The following DNAH6 variants were observed in gnomAD, a reference collection of about 807,000 sequenced individuals.
DNAH6 encodes the protein axonemal beta dynein heavy chain 6.
A neutral mutation model predicts 491.4 loss-of-function variants in DNAH6; 340 were observed. The ratio of observed to expected loss-of-function variants is 0.69; its 90% CI spans 0.63 to 0.76. The LOEUF is 0.76. Among genes scored for constraint, DNAH6 ranks in the 30% least tolerant of loss-of-function variants. DNAH6 has a pLI of 0.00. For missense variants in DNAH6, 4,443 were observed against 4,972.2 expected (o/e 0.89, Z 3.20); for synonymous variants, 1,603 against 1,686.1 (o/e 0.95, Z 1.21).
intron 62 of DNAH6, among the ~76,000 whole-genome samples, chr2:84,742,249 C>T (rs1672590061): frequency 1.3e-5 from 2 of 152,186 alleles, no homozygotes; most frequent in African/African-American, 4.8e-5. Context: ...TATTTCTGCA[C>T]TCTTTACTTT....
intron 8 of DNAH6, 79 bp downstream of exon 8, chr2:84,548,496 G>A (rs890727930): frequency 2.3e-4 from 350 of 1,530,498 alleles, no homozygotes; most frequent in Non-Finnish European, 3.0e-4. Flanking sequence ...AGAAAGTGAT[G>A]ACTATGTTAA....
At chr2:84,530,329 G>A (rs1677043286) in intron 4 of DNAH6, among the ~76,000 whole-genome samples, 1 of 152,138 alleles carries the variant, frequency 6.6e-6, no homozygotes, top group South Asian at 2.1e-4. Flanking sequence ...TCATTGAGAA[G>A]CTGTCATTTG....
At chr2:84,498,152 G>T in the DNAH6 span, among the ~76,000 whole-genome samples, 1 of 152,152 alleles carries the variant, frequency 6.6e-6, no homozygotes, top group Non-Finnish European at 1.5e-5. Context: ...CTTCCCAAAG[G>T]TCTTGCAGAG....
intron 63 of DNAH6, among the ~76,000 whole-genome samples, chr2:84,754,564 G>A (rs1483886859): frequency 6.6e-6 from 1 of 152,180 alleles, no homozygotes; most frequent in East Asian, 1.9e-4. Context: ...GAATGATTCT[G>A]GCAGCCTTGC....
intron 29 of DNAH6, among the ~76,000 whole-genome samples, chr2:84,633,714 C>T (rs1274255543): frequency 6.6e-6 from 1 of 151,034 alleles, no homozygotes; most frequent in East Asian, 1.9e-4. Context: ...TTTTCAAAAC[C>T]TTCTTCCTGC....
chr2:84,481,630 T>C, the DNAH6 span, among the ~76,000 whole-genome samples: 1,683 of 152,302 alleles, frequency 0.011, 29 homozygotes, highest in African/African-American at 0.039. Flanking sequence ...CTCATATGCT[T>C]GGCTTTGTTC....
chr2:84,796,266 T>A, intron 68 of DNAH6, 40 bp from the exon 69 acceptor site: 9 of 1,362,218 alleles, frequency 6.6e-6, no homozygotes, highest in Non-Finnish European at 8.7e-6. Flanking sequence ...ATCAATTTTT[T>A]AAAAACAGCA....
intron 11 of DNAH6, among the ~76,000 whole-genome samples, chr2:84,571,087 T>G (rs967837487): frequency 3.1e-4 from 47 of 152,294 alleles, no homozygotes; most frequent in African/African-American, 1.1e-3. Context: ...TACCAAATCC[T>G]TTGAATAAAA....
At chr2:84,550,894 A>T (rs1679281481) in intron 9 of DNAH6, among the ~76,000 whole-genome samples, 1 of 152,186 alleles carries the variant, frequency 6.6e-6, no homozygotes, top group Admixed American at 6.5e-5. Context: ...ATGGCCTTTT[A>T]TGAGGATGTT....
In DNAH6 at chr2:84,653,705, G is replaced by A. The variant is rs367621391; in HGVS notation, c.5465G>A (p.Arg1822Gln). 4.1e-5 allele frequency: 64 copies of A among 1,551,128 alleles called. No individual in the cohort carries two copies. The highest frequency in any genetic ancestry group is 2.0e-4 in the East Asian group (8 of 40,932). ...WKDGLMALSV[R>Q]AAVNDTSEDH... is the part of the protein sequence containing the mutation. ...GATGGTTTGATGGCACTAAGTGTCC[G>A]AGCAGCTGTGAATGATACTTCAGAA... Residue 1822 changes from arginine (R) to glutamine (Q), a missense_variant, in exon 34 of 77, where the codon CGA (arginine) becomes CAA (glutamine). By Grantham distance (43) the Arg-to-Gln change is conservative (BLOSUM62 1). Transcript: ENST00000389394.
intron 67 of DNAH6, among the ~76,000 whole-genome samples, chr2:84,786,104 A>ATGAG (rs1559039705): frequency 8.9e-6 from 1 of 111,924 alleles, no homozygotes; most frequent in African/African-American, 4.1e-5. Context: ...GAAAGAAAGA[A>ATGAG]TGAATGAATG....
chr2:84,688,401 G>T, intron 44 of DNAH6, 38 bp from the exon 45 acceptor site: 1 of 1,458,316 alleles, frequency 6.9e-7, no homozygotes, highest in South Asian at 1.5e-5. Context: ...GTGTCTATCA[G>T]AATTGATCCA....
chr2:84,623,680 G>T (rs992140704), intron 26 of DNAH6, among the ~76,000 whole-genome samples: 1 of 152,142 alleles, frequency 6.6e-6, no homozygotes, highest in Non-Finnish European at 1.5e-5. Flanking sequence ...TGGCCCAAGT[G>T]ACATTTCAGC....
At chr2:84,650,989 A>G (rs1317503351) in intron 33 of DNAH6, among the ~76,000 whole-genome samples, 1 of 152,178 alleles carries the variant, frequency 6.6e-6, no homozygotes, top group African/African-American at 2.4e-5. Context: ...ATAGAATTCA[A>G]GCTTTATTGA....
In DNAH6 at chr2:84,605,569, C is replaced by T. The variant is rs1472819351; in HGVS notation, c.3151C>T (p.Leu1051=). 3 of 1,551,286 alleles carry T rather than the reference C, an allele frequency of 1.9e-6. No homozygotes were observed. The highest frequency in any genetic ancestry group is 2.6e-6 in the Non-Finnish European group (3 of 1,146,746). Residue 1051 remains leucine (L), a synonymous_variant, in exon 20 of 77, where the codon CTG becomes TTG. Coordinates refer to ENST00000389394, the MANE Select transcript of DNAH6 (RefSeq NM_001370.2). ...CCGTGACTCCAAAGATGTGTTTATA[C>T]TGGGCGGCACAGATGACATACAGGT... ...PHRDSKDVFI[L]GGTDDIQVLL...
intron 64 of DNAH6, among the ~76,000 whole-genome samples, chr2:84,767,396 A>T (rs1342908352): frequency 6.6e-6 from 1 of 151,810 alleles, no homozygotes; most frequent in African/African-American, 2.4e-5. Context: ...GGAGTGCTGC[A>T]CACCTGTAGT....
upstream of DNAH6, among the ~76,000 whole-genome samples, chr2:84,513,110 A>T (rs1558649164): frequency 6.7e-6 from 1 of 149,140 alleles, no homozygotes; most frequent in Non-Finnish European, 1.5e-5. Context: ...CTTTTTATCT[A>T]TTTTTTTTTA....
At chr2:84,484,917 G>A in the DNAH6 span, among the ~76,000 whole-genome samples, 1 of 152,184 alleles carries the variant, frequency 6.6e-6, no homozygotes, top group Non-Finnish European at 1.5e-5. Context: ...GATATCAACA[G>A]GTTTTCTTGT....
rs968748174 is a variant in DNAH6, at chr2:84,683,037, C to G, written c.6916+1509C>G. On this transcript the variant is annotated intron_variant, in intron 42 of 76. Coordinates refer to ENST00000389394, the MANE Select transcript of DNAH6 (RefSeq NM_001370.2). ...TCGGGCCTGCCCAGGGACCGCTGTA[C>G]ATTGCTTGCAATGCTCTGACACCAG... 1.3e-4 allele frequency among the ~76,000 whole-genome samples: 19 copies of G among 149,800 alleles called. 1 individual carries two copies. Among genetic ancestry groups the G allele is most frequent in the African/African-American group, 4.4e-4 (18 of 40,736 alleles).
Sources: allele counts gnomAD v4.1 joint callset (sites outside exome capture counted in the v4.1 genomes callset), GRCh38; gene constraint gnomAD v4.1.1; transcripts MANE v1.5; gene names NCBI Gene and HGNC (gene_info 2026-07-23, HGNC 2026-07-21).